THTPA: variants seen among roughly 807,000 people sequenced by gnomAD.
THTPA encodes thiamine triphosphatase, also known as thiamine-triphosphatase.
A neutral mutation model predicts 16.5 loss-of-function variants in THTPA; 16 were observed. The observed-to-expected ratio is 0.97, with a 90% confidence interval of 0.66 to 1.47. THTPA has a LOEUF of 1.47. Ranked by LOEUF, THTPA falls within the 40% of genes most tolerant of loss-of-function variation. THTPA has a pLI of 0.00. For synonymous variants in THTPA, 110 were observed against 115.5 expected (o/e 0.95, Z 0.30); for missense variants, 281 against 280.9 (o/e 1.00, Z 0.00).
the THTPA span, among the ~76,000 whole-genome samples, chr14:23,518,673 C>T: frequency 2.6e-5 from 4 of 152,046 alleles, no homozygotes; most frequent in African/African-American, 7.2e-5. This position sits in a 1 kb window ranked among gnomAD's most constrained non-coding sequence, Gnocchi z 4.5. Context: ...TCTTTAAGGA[C>T]GAGTGTATGT....
At chr14:23,533,893 TC>T in the THTPA span, 1 of 1,538,070 alleles carries the variant, frequency 6.5e-7, no homozygotes, top group Non-Finnish European at 8.7e-7. The surrounding 1 kb of genome is among the most constrained non-coding windows in gnomAD (Gnocchi z 4.8). Flanking sequence ...ACTGTTGCTC[TC>T]AGGGTGCTTC....
At chr14:23,524,162 G>A in the THTPA span, 5 of 1,535,912 alleles carry the variant, frequency 3.3e-6, no homozygotes, top group African/African-American at 6.9e-5. This position sits in a 1 kb window ranked among gnomAD's most constrained non-coding sequence, Gnocchi z 5.6. Flanking sequence ...TTTCACTGCT[G>A]GACTAGGCAC....
the THTPA span, chr14:23,524,398 T>C: frequency 6.5e-7 from 1 of 1,536,094 alleles, no homozygotes; most frequent in African/African-American, 1.4e-5. The surrounding 1 kb of genome is among the most constrained non-coding windows in gnomAD (Gnocchi z 5.6). Context: ...CCTCCCCTCC[T>C]CCCCCTGCTT....
At chr14:23,550,339 A>C in the THTPA span, among the ~76,000 whole-genome samples, 2 of 152,228 alleles carry the variant, frequency 1.3e-5, no homozygotes, top group East Asian at 3.8e-4. Context: ...CATGACTGAT[A>C]AGCAAATTCC....
At chr14:23,520,774 G>A in the THTPA span, 1 of 142,548 alleles carries the variant, frequency 7.0e-6, no homozygotes, top group African/African-American at 2.5e-5. The surrounding 1 kb of genome is among the most constrained non-coding windows in gnomAD (Gnocchi z 8.7). Context: ...AAGATGAGGT[G>A]GTTTAAAGAA....
chr14:23,552,985 C>T (rs1005565502), upstream of THTPA, among the ~76,000 whole-genome samples: 1 of 152,172 alleles, frequency 6.6e-6, no homozygotes, highest in African/African-American at 2.4e-5. Context: ...TTGTTTACTC[C>T]TCTCAATACC....
At chr14:23,514,899 A>G in the THTPA span, among the ~76,000 whole-genome samples, 1 of 152,088 alleles carries the variant, frequency 6.6e-6, no homozygotes, top group Non-Finnish European at 1.5e-5. Context: ...CCTTCCTCCC[A>G]ACTAGATATC....
At chr14:23,517,043 A>G in the THTPA span, among the ~76,000 whole-genome samples, 3 of 152,120 alleles carry the variant, frequency 2.0e-5, no homozygotes, top group African/African-American at 7.2e-5. Context: ...TGGTCTACCT[A>G]TACTCAACCT....
chr14:23,527,107 C>A, the THTPA span: 1 of 1,323,278 alleles, frequency 7.6e-7, no homozygotes, highest in South Asian at 1.9e-5. Context: ...CTGAACAAAC[C>A]TCCCACCTAA....
the THTPA span, chr14:23,512,793 C>T: frequency 6.7e-6 from 1 of 149,342 alleles, no homozygotes; most frequent in Admixed American, 6.7e-5. Context: ...TGCACCCGTT[C>T]TGGTGTGAGG....
rs1441719605 is a variant in THTPA, at chr14:23,559,381, G to A, written c.*541G>A. 1 of 289,992 alleles carries A rather than the reference G, an allele frequency of 3.4e-6. No homozygotes were observed. Among genetic ancestry groups the A allele is most frequent in the Non-Finnish European group, 6.7e-6 (1 of 149,570 alleles). 18.0% of individuals were successfully genotyped at this position (289,992 alleles called of 1,614,324 possible). A position where few individuals can be genotyped will look rare whatever the true frequency, so the allele number is the denominator to read the frequency against. ...GCCCAGAGGGTAGAGTGCCTCCTGT[G>A]GAAGTTTAGGGGCAAATTTGTTCCC... On this transcript the variant is annotated 3_prime_UTR_variant, in exon 2 of 2. Coordinates refer to ENST00000288014, the MANE Select transcript of THTPA (RefSeq NM_024328.6).
chr14:23,531,138 G>T, the THTPA span: 1 of 197,730 alleles, frequency 5.1e-6, no homozygotes, highest in Non-Finnish European at 1.0e-5. Flanking sequence ...CACAAAACAG[G>T]TTCTCTCTCC....
At chr14:23,539,372 T>A in the THTPA span, among the ~76,000 whole-genome samples, 1 of 152,296 alleles carries the variant, frequency 6.6e-6, no homozygotes, top group South Asian at 2.1e-4. Context: ...CTGCAAATGT[T>A]CTTCCATGGA....
the THTPA span, among the ~76,000 whole-genome samples, chr14:23,540,061 C>T: frequency 6.6e-6 from 1 of 152,358 alleles, no homozygotes; most frequent in East Asian, 1.9e-4. Flanking sequence ...CATCTTGTCT[C>T]ACTGCAGACT....
the THTPA span, chr14:23,524,453 A>G: frequency 6.5e-7 from 1 of 1,535,492 alleles, no homozygotes; most frequent in Non-Finnish European, 8.7e-7. This position sits in a 1 kb window ranked among gnomAD's most constrained non-coding sequence, Gnocchi z 5.6. Flanking sequence ...CTTCCGTTTG[A>G]GAGGTGGACC....
Position 23,559,917 on chromosome 14 carries a change from G to C in THTPA, c.*1077G>C. On this transcript the variant is annotated 3_prime_UTR_variant, in exon 2 of 2. Coordinates refer to ENST00000288014, the MANE Select transcript of THTPA (RefSeq NM_024328.6). ...TTCTTCTATCCCTGGGTCTTGTCTT[G>C]GGGGAACTCCTGAAGCTCACCTTGT... is the stretch of plus-strand genomic sequence containing the variant. 6.2e-7 allele frequency: 1 copy of C among 1,611,252 alleles called. No individual in the cohort carries two copies. Among genetic ancestry groups the C allele is most frequent in the Non-Finnish European group, 8.5e-7 (1 of 1,177,852 alleles).
chr14:23,536,995 T>C, the THTPA span, among the ~76,000 whole-genome samples: 3 of 151,310 alleles, frequency 2.0e-5, no homozygotes, highest in Non-Finnish European at 4.4e-5. Flanking sequence ...AAGAAATTAG[T>C]TGGGCGTGGT....
the THTPA span, chr14:23,521,841 G>A: frequency 6.8e-7 from 1 of 1,472,750 alleles, no homozygotes; most frequent in South Asian, 1.4e-5. Flanking sequence ...GAACTGAACA[G>A]TTCCTGTGAG....
At chr14:23,552,668 C>T (rs1211318433), upstream of THTPA, among the ~76,000 whole-genome samples, 1 of 151,978 alleles carries the variant, frequency 6.6e-6, no homozygotes, top group Non-Finnish European at 1.5e-5. Context: ...GTGGCATGAT[C>T]CCGGCTCACT....
Sources: allele counts gnomAD v4.1 joint callset (sites outside exome capture counted in the v4.1 genomes callset), GRCh38; gene constraint gnomAD v4.1.1; non-coding constraint Gnocchi (gnomAD v3.1); transcripts MANE v1.5; gene names NCBI Gene and HGNC (gene_info 2026-07-23, HGNC 2026-07-21).